Variants in UBE2V1 observed in about 807,000 individuals in gnomAD.
The protein encoded by UBE2V1 is ubiquitin-conjugating enzyme E2 variant 1.
In UBE2V1, 15 loss-of-function variants were observed where a neutral mutation model predicts 19.6. The ratio of observed to expected loss-of-function variants is 0.77; its 90% CI spans 0.51 to 1.18. UBE2V1 has a LOEUF of 1.18. Ranked by LOEUF, UBE2V1 falls within the 50% of genes most tolerant of loss-of-function variation. The pLI, the probability that UBE2V1 is intolerant of heterozygous loss-of-function variation, is 0.00. For missense variants in UBE2V1, 125 were observed against 184.8 expected, an observed-to-expected ratio of 0.68 and a Z score of 1.88; for synonymous variants, 60 against 60.7, an observed-to-expected ratio of 0.99 and a Z score of 0.05.
chr20:50,100,144 G>A (rs1007820828), intron 1 of UBE2V1, among the ~76,000 whole-genome samples: 1 of 152,062 alleles, frequency 6.6e-6, no homozygotes, highest in East Asian at 1.9e-4. Flanking sequence ...AGCTGGGTGT[G>A]GTGGTGCACA....
rs112452450 is a variant in UBE2V1 at position 50,091,441 on chromosome 20, C to T, written c.171+5231G>A. ...TTTTTTTTTTTTTGAGATGGAGTCTCGCTCTTGTTGCAAGCAGTGGCGCGA... is the reference window on the plus strand; with the variant it reads ...TTTTTTTTTTTTTGAGATGGAGTCTTGCTCTTGTTGCAAGCAGTGGCGCGA... On this transcript the variant is annotated intron_variant, in intron 2 of 3. Transcript: ENST00000371674. 2.0e-3 allele frequency among the ~76,000 whole-genome samples: 256 copies of T among 126,830 alleles called. 4 individuals are homozygous for T. The highest frequency in any genetic ancestry group is 7.5e-3 in the African/African-American group (233 of 31,164). 83.2% of individuals were successfully genotyped at this position (126,830 alleles called of 152,430 possible).
chr20:50,088,785 CAAA>C (rs10661118), intron 2 of UBE2V1, among the ~76,000 whole-genome samples: 3 of 119,592 alleles, frequency 2.5e-5, no homozygotes, highest in Non-Finnish European at 1.8e-5. Flanking sequence ...GACCCTATCT[CAAA>C]AAAAAAAAAA....
chr20:50,086,177 C>G (rs2146968343), intron 2 of UBE2V1, among the ~76,000 whole-genome samples: 1 of 152,302 alleles, frequency 6.6e-6, no homozygotes, highest in East Asian at 1.9e-4. Context: ...TTACTCTTCT[C>G]CCTCCCCTGC....
rs943750890 is a variant in UBE2V1, at chr20:50,108,050, G to C, written c.22+5057C>G. Among the ~76,000 whole-genome samples, 4 of 152,218 alleles carry C rather than the reference G, an allele frequency of 2.6e-5. No individual in the cohort carries two copies. In the East Asian group the frequency reaches 7.7e-4, roughly 29 times the overall value. On this transcript the variant is annotated intron_variant, in intron 1 of 3. Coordinates refer to ENST00000371674, the MANE Select transcript of UBE2V1 (RefSeq NM_001032288.3). ...TGAAGTCAAGGCGGCAGGGCCTTGT[G>C]GGCCATGGAAAAGGGATGGGTTATT...
intron 3 of UBE2V1, chr20:50,083,906 C>T (rs1451234739): frequency 1.1e-5 from 5 of 452,774 alleles, no homozygotes; most frequent in Non-Finnish European, 1.8e-5. Context: ...TATTTCAAAG[C>T]GACCAGCACA....
intron 1 of UBE2V1, among the ~76,000 whole-genome samples, chr20:50,105,324 T>A: frequency 6.6e-6 from 1 of 152,174 alleles, no homozygotes; most frequent in East Asian, 1.9e-4. Flanking sequence ...CCAAATATGG[T>A]TGGAATTCAG....
chr20:50,091,410 C>CTTTTTT (rs11482128), intron 2 of UBE2V1, among the ~76,000 whole-genome samples: 6 of 112,290 alleles, frequency 5.3e-5, no homozygotes, highest in Admixed American at 1.0e-4. Flanking sequence ...TAACTTAAGG[C>CTTTTTT]TTTTTTTTTT....
At chr20:50,111,321 C>T (rs2147219890) in intron 1 of UBE2V1, 1 of 993,476 alleles carries the variant, frequency 1.0e-6, no homozygotes, top group Non-Finnish European at 1.2e-6. Flanking sequence ...GAAGTTAGAA[C>T]CGGGCAGCTG....
chr20:50,087,837 C>T (rs999485398), intron 2 of UBE2V1, among the ~76,000 whole-genome samples: 2 of 152,108 alleles, frequency 1.3e-5, no homozygotes, highest in African/African-American at 4.8e-5. Flanking sequence ...CCGGAGACTT[C>T]GTAGCCTTCT....
intron 2 of UBE2V1, among the ~76,000 whole-genome samples, chr20:50,090,330 A>G (rs1043760083): frequency 2.0e-5 from 3 of 152,228 alleles, no homozygotes; most frequent in South Asian, 2.1e-4. Flanking sequence ...AATATGGCAT[A>G]TATCACACAA....
intron 2 of UBE2V1, among the ~76,000 whole-genome samples, chr20:50,086,843 C>T (rs1411473282): frequency 6.6e-6 from 1 of 152,166 alleles, no homozygotes; most frequent in African/African-American, 2.4e-5. Context: ...TTCGGGAAGC[C>T]GAGACAGGCG....
rs1322348656 is a variant in UBE2V1, at chr20:50,094,010, A to AAATAAT, written c.171+2656_171+2661dup. On this transcript the variant is annotated intron_variant, in intron 2 of 3. Coordinates refer to ENST00000371674, the MANE Select transcript of UBE2V1 (RefSeq NM_001032288.3). ...CTCAAAAAAAAAAAAAAAAAAAAAA[A>AAATAAT]AATAATAATAATAATAATAATAAAA... 9.4e-4 allele frequency among the ~76,000 whole-genome samples: 89 copies of AAATAAT among 94,678 alleles called. 1 individual carries two copies. Among genetic ancestry groups the AAATAAT allele is most frequent in the African/African-American group, 3.2e-3 (60 of 18,958 alleles). The allele number at this position is 94,678 out of a possible 152,430, so 62.1% of individuals were successfully genotyped here.
intron 2 of UBE2V1, among the ~76,000 whole-genome samples, chr20:50,087,055 C>A (rs190376503): frequency 3.3e-5 from 5 of 149,942 alleles, no homozygotes; most frequent in South Asian, 2.1e-4. Context: ...CCAGCCTGGG[C>A]GACAGTGCGA....
At chr20:50,115,513 TCTTC>T (rs760136450), upstream of UBE2V1, 2 of 1,592,164 alleles carry the variant, frequency 1.3e-6, no homozygotes, top group Non-Finnish European at 1.7e-6. Flanking sequence ...TAGGTTCAAG[TCTTC>T]CTTCATCACT....
chr20:50,103,973 G>A (rs2080178634), intron 1 of UBE2V1, among the ~76,000 whole-genome samples: 1 of 149,534 alleles, frequency 6.7e-6, no homozygotes, highest in Admixed American at 6.6e-5. Flanking sequence ...ATCAATAAAT[G>A]TTTGCTGGTT....
At chr20:50,097,834 G>A (rs540470773) in intron 1 of UBE2V1, among the ~76,000 whole-genome samples, 1 of 152,212 alleles carries the variant, frequency 6.6e-6, no homozygotes, top group Admixed American at 6.5e-5. Context: ...CTCACTGGAG[G>A]GACCCCAGAT....
chr20:50,107,654 C>T (rs2080476876), intron 1 of UBE2V1, among the ~76,000 whole-genome samples: 1 of 152,176 alleles, frequency 6.6e-6, no homozygotes, highest in South Asian at 2.1e-4. Flanking sequence ...CATTGTTTCT[C>T]CACAAATTGT....
At chr20:50,111,175 A>G in intron 1 of UBE2V1, 1 of 887,886 alleles carries the variant, frequency 1.1e-6, no homozygotes, top group Non-Finnish European at 1.3e-6. Context: ...AGTCCATTTT[A>G]GGGCACCTCA....
At chr20:50,109,372 G>A (rs1354510144) in intron 1 of UBE2V1, among the ~76,000 whole-genome samples, 1 of 151,962 alleles carries the variant, frequency 6.6e-6, no homozygotes, top group Admixed American at 6.6e-5. Flanking sequence ...AAGAGAATGT[G>A]GTGGGGGAAA....
Sources: allele counts gnomAD v4.1 joint callset (sites outside exome capture counted in the v4.1 genomes callset), GRCh38; gene constraint gnomAD v4.1.1; transcripts MANE v1.5; gene names NCBI Gene and HGNC (gene_info 2026-07-23, HGNC 2026-07-21).